Variants in MYLK4 observed in about 807,000 individuals in gnomAD.
MYLK4 encodes the protein myosin light chain kinase family member 4.
Under a neutral mutation model 48.1 loss-of-function variants are expected in MYLK4, and 46 were observed. That is an observed-to-expected ratio of 0.96 (90% confidence interval 0.75 to 1.22). The LOEUF is 1.22. Among genes scored for constraint, MYLK4 ranks in the 50% most tolerant of loss-of-function variants. The pLI is 0.00. For missense variants in MYLK4, 451 were observed against 486.1 expected, an observed-to-expected ratio of 0.93 and a Z score of 0.68; for synonymous variants, 170 against 180.8, an observed-to-expected ratio of 0.94 and a Z score of 0.48.
the MYLK4 span, among the ~76,000 whole-genome samples, chr6:2,763,321 C>T: frequency 1.3e-5 from 2 of 152,240 alleles, no homozygotes; most frequent in Non-Finnish European, 2.9e-5. Context: ...CTTGCTAGTC[C>T]CACGTAATGA....
At position 2,746,700 on chromosome 6, in the gene MYLK4, A is replaced by C. The variant is rs532097614; in HGVS notation, c.159+2436T>G. Reference sequence around the variant, plus strand: ...CCGTGCTAATCCCCTCAAAGAGAGAAGGGATGAGAGAGAAAGGGGAATAGG... The same window carrying C: ...CCGTGCTAATCCCCTCAAAGAGAGACGGGATGAGAGAGAAAGGGGAATAGG... On this transcript the variant is annotated intron_variant, in intron 2 of 12. Transcript: ENST00000274643. Among the ~76,000 whole-genome samples, 15 of 152,320 alleles carry C rather than the reference A, an allele frequency of 9.8e-5. No individual in the cohort carries two copies. The South Asian group carries it at 3.1e-3, about 32-fold the overall frequency.
chr6:2,675,852 G>A (rs1010569458), intron 10 of MYLK4, among the ~76,000 whole-genome samples: 1 of 152,094 alleles, frequency 6.6e-6, no homozygotes, highest in African/African-American at 2.4e-5. Context: ...CAGCACTTTG[G>A]GAGGCCGAGG....
chr6:2,692,339 G>A (rs1426654409), intron 3 of MYLK4, among the ~76,000 whole-genome samples: 1 of 152,114 alleles, frequency 6.6e-6, no homozygotes, highest in Non-Finnish European at 1.5e-5. Context: ...CTATGAACTA[G>A]AGAGGCATTG....
chr6:2,757,892 G>A, the MYLK4 span, among the ~76,000 whole-genome samples: 2 of 152,138 alleles, frequency 1.3e-5, no homozygotes, highest in Admixed American at 6.5e-5. Context: ...CAGCCTAGTG[G>A]GAAAGTCATG....
At chr6:2,702,706 G>A (rs181133297) in intron 2 of MYLK4, among the ~76,000 whole-genome samples, 1 of 152,276 alleles carries the variant, frequency 6.6e-6, no homozygotes, top group Admixed American at 6.5e-5. Flanking sequence ...GAATTAGCTT[G>A]ATTGACCCTT....
upstream of MYLK4, among the ~76,000 whole-genome samples, chr6:2,751,137 A>G (rs1462131635): frequency 1.3e-5 from 2 of 151,984 alleles, no homozygotes. Flanking sequence ...TTGTGTCAAT[A>G]CTCTCGGATT....
At chr6:2,679,531 T>C in intron 8 of MYLK4, 123 bp from the exon 9 acceptor site, 6 of 1,232,546 alleles carry the variant, frequency 4.9e-6, no homozygotes, top group South Asian at 2.4e-5. Context: ...CAAACAAACA[T>C]TGAAGGAAAT....
In MYLK4 at chr6:2,688,852, C is replaced by G; in HGVS notation, c.340G>C (p.Gly114Arg). ...ATATTAACATTCAGCCTTACTCACC[C>G]TCCTAGGATTTCTGTCTTGCTCACA... ...YTVSKTEILG[G>R]GRFGQVHKCE... The change falls in exon 4 of 13, where the codon GGA becomes CGA. Residue 114 changes from glycine (G) to arginine (R), a missense_variant and splice_region_variant. Gly to Arg is a moderately radical substitution (Grantham distance 125, BLOSUM62 -2). Transcript: ENST00000274643. 1 of 1,612,740 alleles carries G rather than the reference C, an allele frequency of 6.2e-7. No homozygotes were observed. The highest frequency in any genetic ancestry group is 1.7e-4 in the Middle Eastern group (1 of 6,056).
At chr6:2,739,784 A>G (rs981226821) in intron 2 of MYLK4, among the ~76,000 whole-genome samples, 2 of 152,232 alleles carry the variant, frequency 1.3e-5, no homozygotes, top group Non-Finnish European at 2.9e-5. Flanking sequence ...TTAAGCACAT[A>G]AGAGAAATGT....
chr6:2,766,715 G>A, the MYLK4 span, among the ~76,000 whole-genome samples: 4 of 152,316 alleles, frequency 2.6e-5, no homozygotes, highest in Admixed American at 2.0e-4. Context: ...ACAAGATGTG[G>A]ACTCTTAGAT....
rs565208982 is a variant in MYLK4, at chr6:2,741,039, A to G, written c.159+8097T>C. 6.0e-4 allele frequency among the ~76,000 whole-genome samples: 91 copies of G among 152,364 alleles called. 1 individual carries two copies. The highest frequency in any genetic ancestry group is 2.1e-3 in the African/African-American group (87 of 41,588). ...GTTACTGTGCATTAGAAATCTATAAATAAAACATCAAAACCATGATTTCAC... is the reference window on the plus strand; with the variant it reads ...GTTACTGTGCATTAGAAATCTATAAGTAAAACATCAAAACCATGATTTCAC... On this transcript the variant is annotated intron_variant, in intron 2 of 12. Coordinates refer to ENST00000274643, the MANE Select transcript of MYLK4 (RefSeq NM_001012418.5).
rs188092819 is a variant in MYLK4 at position 2,697,763 on chromosome 6, T to C, written c.160-4904A>G. 1.4e-3 allele frequency among the ~76,000 whole-genome samples: 207 copies of C among 152,342 alleles called. 1 individual carries two copies. The highest frequency in any genetic ancestry group is 4.7e-3 in the African/African-American group (197 of 41,582). On this transcript the variant is annotated intron_variant, in intron 2 of 12. Coordinates refer to ENST00000274643, the MANE Select transcript of MYLK4 (RefSeq NM_001012418.5). ...TGGACCTCAACAATGCCACCATCGTTTTCCGTGTTACTGCAGCGTTCTCAA... is the reference window on the plus strand; with the variant it reads ...TGGACCTCAACAATGCCACCATCGTCTTCCGTGTTACTGCAGCGTTCTCAA...
chr6:2,719,680 A>G (rs535535644), intron 2 of MYLK4, among the ~76,000 whole-genome samples: 1 of 152,330 alleles, frequency 6.6e-6, no homozygotes, highest in African/African-American at 2.4e-5. Context: ...AAGTTCAGGT[A>G]GATTACAAGT....
At chr6:2,682,986 G>C in intron 7 of MYLK4, 35 bp downstream of exon 7, 2 of 1,613,632 alleles carry the variant, frequency 1.2e-6, no homozygotes, top group Non-Finnish European at 1.7e-6. Flanking sequence ...GAGCTGGGAA[G>C]GGCTTACGTC....
the MYLK4 span, among the ~76,000 whole-genome samples, chr6:2,760,576 C>G: frequency 6.6e-6 from 1 of 152,174 alleles, no homozygotes; most frequent in Non-Finnish European, 1.5e-5. Context: ...ATAGGCACTC[C>G]TAGCACTCAG....
intron 2 of MYLK4, 47 bp from the exon 3 acceptor site, chr6:2,692,906 C>T (rs1412186265): frequency 6.4e-7 from 1 of 1,552,224 alleles, no homozygotes; most frequent in Non-Finnish European, 8.8e-7. Flanking sequence ...CACATCTGGG[C>T]TTTTCAACCT....
At chr6:2,769,542 T>C in the MYLK4 span, among the ~76,000 whole-genome samples, 2 of 152,200 alleles carry the variant, frequency 1.3e-5, no homozygotes, top group African/African-American at 4.8e-5. Flanking sequence ...ATAGAATATT[T>C]CACAAAACTC....
At chr6:2,763,641 C>T in the MYLK4 span, among the ~76,000 whole-genome samples, 1 of 152,258 alleles carries the variant, frequency 6.6e-6, no homozygotes, top group Non-Finnish European at 1.5e-5. Flanking sequence ...TTCCCGCCCG[C>T]GCCTCTCCCA....
chr6:2,727,024 A>G (rs1011644571), intron 2 of MYLK4, among the ~76,000 whole-genome samples: 3 of 152,224 alleles, frequency 2.0e-5, no homozygotes, highest in African/African-American at 7.2e-5. Flanking sequence ...GTGACACAAA[A>G]TACTTTGACA....
Sources: allele counts gnomAD v4.1 joint callset (sites outside exome capture counted in the v4.1 genomes callset), GRCh38; gene constraint gnomAD v4.1.1; transcripts MANE v1.5; gene names NCBI Gene and HGNC (gene_info 2026-07-23, HGNC 2026-07-21).